Variants in SLC5A11 observed in about 807,000 individuals in gnomAD.
SLC5A11 encodes the protein solute carrier family 5 member 11.
A neutral mutation model predicts 69.8 loss-of-function variants in SLC5A11; 48 were observed. The observed-to-expected ratio is 0.69, with a 90% CI of 0.55 to 0.87. The LOEUF (loss-of-function observed/expected upper bound fraction) is 0.87. SLC5A11 is among the 40% of genes least tolerant of loss of function. The pLI is 0.00. For missense variants in SLC5A11, 784 were observed against 866.1 expected (o/e 0.91, Z 1.19); for synonymous variants, 319 against 342.4 (o/e 0.93, Z 0.75).
chr16:24,873,088 A>G (rs893539702), intron 5 of SLC5A11, among the ~76,000 whole-genome samples: 1 of 135,204 alleles, frequency 7.4e-6, no homozygotes, highest in Admixed American at 8.1e-5. Context: ...AAGTAAGCCA[A>G]TATCACACTA....
At chr16:24,877,308 T>A (rs2047738435) in exon 7 of SLC5A11, 1 of 1,613,962 alleles carries the variant, frequency 6.2e-7, no homozygotes. Context: ...TGCACCTGGA[T>A]CTGTACCTGG....
intron 2 of SLC5A11, among the ~76,000 whole-genome samples, chr16:24,861,427 C>T (rs538509490): frequency 6.6e-6 from 1 of 151,426 alleles, no homozygotes; most frequent in South Asian, 2.1e-4. Context: ...TTACAGTGAG[C>T]CATGATCATG....
At chr16:24,860,067 C>T (rs946042404) in intron 2 of SLC5A11, among the ~76,000 whole-genome samples, 1 of 152,206 alleles carries the variant, frequency 6.6e-6, no homozygotes, top group African/African-American at 2.4e-5. Context: ...GGGCAGATCA[C>T]TTGAGGCCAG....
At chr16:24,910,388 C>T (rs1192886243) in exon 15 of SLC5A11, 2 of 1,614,164 alleles carry the variant, frequency 1.2e-6, no homozygotes, top group Non-Finnish European at 1.7e-6. Flanking sequence ...TTGTCTCTTA[C>T]CCTCTCTCAG....
chr16:24,908,245 A>T, intron 13 of SLC5A11, 114 bp downstream of exon 14: 1 of 1,218,386 alleles, frequency 8.2e-7, no homozygotes, highest in Non-Finnish European at 1.1e-6. Flanking sequence ...GGGTGTTGAG[A>T]GGGAGGGTGA....
At chr16:24,907,364 T>C (rs1192452369) in intron 12 of SLC5A11, among the ~76,000 whole-genome samples, 189 bp downstream of exon 13, 4 of 152,026 alleles carry the variant, frequency 2.6e-5, no homozygotes, top group African/African-American at 9.7e-5. Flanking sequence ...CACATAACCA[T>C]GAAAGGGCTC....
At chr16:24,863,104 T>C (rs2046705693) in intron 3 of SLC5A11, among the ~76,000 whole-genome samples, 1 of 131,920 alleles carries the variant, frequency 7.6e-6, no homozygotes. Flanking sequence ...ATATATATTA[T>C]ATATAATAAA....
At chr16:24,895,429 C>T (rs1423470474) in intron 9 of SLC5A11, among the ~76,000 whole-genome samples, 1 of 151,486 alleles carries the variant, frequency 6.6e-6, no homozygotes, top group Non-Finnish European at 1.5e-5. Flanking sequence ...GTGGAGGCTG[C>T]AGTGAGCAGA....
chr16:24,875,648 C>G (rs1016901896), exon 6 of SLC5A11: 1 of 1,613,856 alleles, frequency 6.2e-7, no homozygotes, highest in Non-Finnish European at 8.5e-7. Context: ...GCCAGAATAC[C>G]TACGGAAGCG....
intron 3 of SLC5A11, among the ~76,000 whole-genome samples, chr16:24,867,730 G>A (rs781637596): frequency 6.6e-5 from 10 of 152,240 alleles, no homozygotes; most frequent in Admixed American, 1.3e-4. Context: ...AGGAAATGCT[G>A]TGAGCAATTA....
At chr16:24,890,250 T>C (rs7199437) in intron 8 of SLC5A11, among the ~76,000 whole-genome samples, 1,913 of 151,696 alleles carry the variant, frequency 0.013, 50 homozygotes, top group African/African-American at 0.044. Flanking sequence ...CATGGGACAA[T>C]GGCCAGGAGT....
intron 10 of SLC5A11, among the ~76,000 whole-genome samples, chr16:24,898,646 G>A (rs1222197998): frequency 6.6e-6 from 1 of 152,066 alleles, no homozygotes. Flanking sequence ...AGCCTCCTGA[G>A]TAGCTGGGAC....
At chr16:24,909,208 CCAGGGTTGAGGTT>C (rs2050311595) in intron 14 of SLC5A11, 112 bp downstream of exon 15, 1 of 1,155,426 alleles carries the variant, frequency 8.7e-7, no homozygotes, top group Admixed American at 2.2e-5. Context: ...GCTGAAAAGT[CCAGGGTTGAGGTT>C]CAGGGGCAGG....
intron 3 of SLC5A11, among the ~76,000 whole-genome samples, chr16:24,868,582 GC>G (rs2047067996): frequency 8.1e-6 from 1 of 124,192 alleles, no homozygotes; most frequent in Admixed American, 9.4e-5. Context: ...CTGGGAGACA[GC>G]AAGACTCCGC....
At chr16:24,890,467 G>C (rs1165266474) in intron 8 of SLC5A11, among the ~76,000 whole-genome samples, 1 of 107,932 alleles carries the variant, frequency 9.3e-6, no homozygotes, top group Non-Finnish European at 1.7e-5. Context: ...CTTGGTGACA[G>C]AGCAAGACTT....
chr16:24,900,384 C>G (rs2049492508), intron 10 of SLC5A11, among the ~76,000 whole-genome samples: 1 of 152,086 alleles, frequency 6.6e-6, no homozygotes, highest in African/African-American at 2.4e-5. Context: ...CCTTAAGAAG[C>G]AGGAGAAAAG....
chr16:24,876,128 G>T (rs935768988), intron 6 of SLC5A11, among the ~76,000 whole-genome samples: 2 of 151,872 alleles, frequency 1.3e-5, no homozygotes, highest in South Asian at 4.2e-4. Context: ...CCCAGAAGGC[G>T]GGGGTTGCAG....
intron 10 of SLC5A11, among the ~76,000 whole-genome samples, chr16:24,901,597 G>A (rs2049597116): frequency 6.6e-6 from 1 of 151,816 alleles, no homozygotes; most frequent in Middle Eastern, 3.4e-3. Context: ...GTGACAAAGT[G>A]AGACCTTGTT....
intron 5 of SLC5A11, among the ~76,000 whole-genome samples, chr16:24,872,557 T>C (rs1003835115): frequency 7.9e-5 from 12 of 152,286 alleles, no homozygotes; most frequent in Non-Finnish European, 1.6e-4. Context: ...CTGCTATATT[T>C]TTTTGAGACA....
Sources: gnomAD v4.1 joint callset for allele counts (sites outside exome capture counted in the v4.1 genomes callset) on GRCh38, gnomAD v4.1.1 for gene constraint, MANE v1.5 for transcripts, NCBI Gene and HGNC (gene_info 2026-07-23, HGNC 2026-07-21) for gene names.